Variants in ITPR2 observed in about 807,000 individuals in gnomAD.
ITPR2 encodes inositol 1,4,5-trisphosphate-gated calcium channel ITPR2.
In ITPR2, 207 loss-of-function variants were observed where a neutral mutation model predicts 317.1. The observed-to-expected ratio is 0.65, with a 90% confidence interval of 0.58 to 0.73. The LOEUF is 0.73. Ranked by LOEUF, ITPR2 falls within the 30% of genes least tolerant of loss-of-function variation. ITPR2 has a pLI of 0.00. For synonymous variants in ITPR2, 1,156 were observed against 1,149.1 expected, an observed-to-expected ratio of 1.01 and a Z score of -0.12; for missense variants, 2,613 against 3,284.0, an observed-to-expected ratio of 0.80 and a Z score of 4.99.
chr12:26,340,212 A>C lies in ITPR2; in HGVS notation c.7974T>G (p.Ser2658Arg), dbSNP rs1312318629. The C allele has an allele frequency of 5.0e-6, 8 of 1,608,946 alleles. No individual in the cohort carries two copies. Among genetic ancestry groups the C allele is most frequent in the Non-Finnish European group, 6.8e-6 (8 of 1,177,940 alleles). The change falls in exon 56 of 57, where the codon AGT (serine) becomes AGG (arginine). Residue 2658 changes from serine to arginine, a missense_variant. Physicochemically the swap from Ser to Arg is moderately radical, Grantham distance 110 (BLOSUM62 -1). This residue lies in a region of ITPR2 where 119 missense variants were observed against 144.3 expected (regional missense o/e 0.82). Coordinates refer to ENST00000381340, the MANE Select transcript of ITPR2 (RefSeq NM_002223.4). ...SLQEKLESTM[S>R]LVKQLSGQLA... is the part of the protein sequence containing the mutation. ...GCTGACCCGACAGCTGTTTGACCAG[A>C]CTCATGGTCGATTCCAACTTCTCCT...
At chr12:26,416,527 T>C (rs1470608040) in intron 50 of ITPR2, among the ~76,000 whole-genome samples, 4 of 151,150 alleles carry the variant, frequency 2.6e-5, no homozygotes, top group African/African-American at 7.3e-5. Context: ...CCTTGTCTAT[T>C]TTTTTTCTGA....
intron 2 of ITPR2, among the ~76,000 whole-genome samples, chr12:26,733,569 T>C (rs1339824184): frequency 6.6e-6 from 1 of 152,182 alleles, no homozygotes; most frequent in Non-Finnish European, 1.5e-5. Flanking sequence ...AAAAATATTA[T>C]GAAATCTTAG....
At chr12:26,628,321 A>C (rs1194959734) in intron 22 of ITPR2, among the ~76,000 whole-genome samples, 159 bp from the exon 23 acceptor site, 1 of 152,252 alleles carries the variant, frequency 6.6e-6, no homozygotes, top group East Asian at 1.9e-4. Context: ...GCAATGACTA[A>C]GCAAGGGAAT....
intron 1 of ITPR2, among the ~76,000 whole-genome samples, chr12:26,813,932 G>T (rs1205945616): frequency 6.6e-6 from 1 of 152,136 alleles, no homozygotes; most frequent in Non-Finnish European, 1.5e-5. Context: ...TACATGTGTT[G>T]TCTCCGCCTA....
intron 2 of ITPR2, among the ~76,000 whole-genome samples, chr12:26,768,449 T>TAAAAAAAA (rs1949770378): frequency 2.3e-5 from 1 of 43,984 alleles, no homozygotes; most frequent in Non-Finnish European, 6.6e-5. Context: ...AAATAAAAAA[T>TAAAAAAAA]AAAAAATAAA....
At chr12:26,504,424 T>C (rs1203977068) in intron 37 of ITPR2, among the ~76,000 whole-genome samples, 1 of 152,094 alleles carries the variant, frequency 6.6e-6, no homozygotes, top group Non-Finnish European at 1.5e-5. Context: ...TCATTAAGAA[T>C]CTTGTAGAAA....
At chr12:26,361,252 T>C (rs1157392351) in intron 55 of ITPR2, among the ~76,000 whole-genome samples, 1 of 151,920 alleles carries the variant, frequency 6.6e-6, no homozygotes, top group Non-Finnish European at 1.5e-5. Context: ...TGTTTAATTG[T>C]GCTGGAAGTT....
intron 2 of ITPR2, among the ~76,000 whole-genome samples, chr12:26,771,136 A>G (rs1949833742): frequency 6.6e-6 from 1 of 152,172 alleles, no homozygotes; most frequent in Admixed American, 6.5e-5. Context: ...CATTTTTCCT[A>G]ATAATGTCAC....
At chr12:26,677,572 C>T (rs1440557643) in intron 13 of ITPR2, among the ~76,000 whole-genome samples, 1 of 151,908 alleles carries the variant, frequency 6.6e-6, no homozygotes, top group Non-Finnish European at 1.5e-5. Flanking sequence ...TGCACTCCAG[C>T]CTGGGCAACA....
chr12:26,380,430 G>A (rs749634511), intron 55 of ITPR2, among the ~76,000 whole-genome samples: 2 of 152,142 alleles, frequency 1.3e-5, no homozygotes, highest in Non-Finnish European at 2.9e-5. Context: ...ACACATGTCT[G>A]GACTTAACAT....
At position 26,703,681 on chromosome 12, in the gene ITPR2, A is replaced by C. The variant is rs142468687; in HGVS notation, c.951+7492T>G. Among the ~76,000 whole-genome samples, 19 of 152,350 alleles carry C rather than the reference A, an allele frequency of 1.2e-4. No individual in the cohort carries two copies. The East Asian group carries it at 3.5e-3, about 28-fold the overall frequency. On this transcript the variant is annotated intron_variant, in intron 9 of 56. Coordinates refer to ENST00000381340, the MANE Select transcript of ITPR2 (RefSeq NM_002223.4). ...TTATATCGGTTTTTTGATTTTAACAAAATAAATCACCTCTGTGAGCCTGGA... is the reference window on the plus strand; with the variant it reads ...TTATATCGGTTTTTTGATTTTAACACAATAAATCACCTCTGTGAGCCTGGA...
intron 5 of ITPR2, chr12:26,721,232 A>G (rs993721446): frequency 3.6e-5 from 17 of 477,374 alleles, no homozygotes; most frequent in African/African-American, 3.4e-4. Flanking sequence ...TCCAACCAAC[A>G]CAAGACTTAA....
chr12:26,465,196 A>G (rs10842736), intron 45 of ITPR2, among the ~76,000 whole-genome samples: 114,391 of 152,140 alleles, frequency 0.75, 43,929 homozygotes, highest in Non-Finnish European at 0.83. Flanking sequence ...GTGAAGCAGA[A>G]CGAAAGATCA....
chr12:26,783,163 T>C (rs1009177060), intron 2 of ITPR2, among the ~76,000 whole-genome samples: 5 of 152,364 alleles, frequency 3.3e-5, no homozygotes, highest in African/African-American at 9.6e-5. Flanking sequence ...TAGTGTTCAT[T>C]GCACAGCAAT....
At chr12:26,612,201 A>G (rs1946283168) in intron 26 of ITPR2, among the ~76,000 whole-genome samples, 2 of 152,032 alleles carry the variant, frequency 1.3e-5, no homozygotes, top group Admixed American at 6.6e-5. Flanking sequence ...CCACTGAGGG[A>G]AAAAACTTTT....
At chr12:26,444,846 T>C (rs1941570846) in intron 45 of ITPR2, among the ~76,000 whole-genome samples, 1 of 152,132 alleles carries the variant, frequency 6.6e-6, no homozygotes, top group Admixed American at 6.5e-5. Context: ...CTAGAGCAAA[T>C]CATTTTGAAA....
chr12:26,646,273 C>T (rs941189433), intron 21 of ITPR2, among the ~76,000 whole-genome samples: 1 of 151,920 alleles, frequency 6.6e-6, no homozygotes, highest in South Asian at 2.1e-4. Context: ...TATTTCCTGG[C>T]AGATTTTTTT....
chr12:26,768,569 T>TAA (rs1949776684), intron 2 of ITPR2, among the ~76,000 whole-genome samples: 4 of 14,584 alleles, frequency 2.7e-4, no homozygotes, highest in Admixed American at 8.8e-4. Flanking sequence ...TACAAATATA[T>TAA]ATAAAAAAAA....
At chr12:26,530,347 T>C (rs1173095680) in intron 37 of ITPR2, among the ~76,000 whole-genome samples, 4 of 152,202 alleles carry the variant, frequency 2.6e-5, no homozygotes, top group African/African-American at 4.8e-5. Context: ...ATACTTGAAA[T>C]TATCTGGATT....
Sources: gnomAD v4.1 joint callset for allele counts (sites outside exome capture counted in the v4.1 genomes callset) on GRCh38, gnomAD v4.1.1 for gene constraint, gnomAD v4.1.1 regional missense constraint, MANE v1.5 for transcripts, NCBI Gene and HGNC (gene_info 2026-07-23, HGNC 2026-07-21) for gene names.